SPECC1L: variants seen among roughly 807,000 people sequenced by gnomAD.
SPECC1L encodes sperm antigen with calponin homology and coiled-coil domains 1 like, also known as cytospin-A.
Under a neutral mutation model 116.8 loss-of-function variants are expected in SPECC1L, and 40 were observed. The observed-to-expected ratio is 0.34, with a 90% CI of 0.27 to 0.45. The LOEUF (loss-of-function observed/expected upper bound fraction) is 0.45. Among genes scored for constraint, SPECC1L ranks in the 20% least tolerant of loss-of-function variants. SPECC1L has a pLI of 1.00. For synonymous variants in SPECC1L, 504 were observed against 500.6 expected (o/e 1.01, Z -0.09); for missense variants, 1,110 against 1,373.6 (o/e 0.81, Z 3.03).
rs77822238 is a variant in SPECC1L at position 24,357,083 on chromosome 22, A to T, written c.2744-6178A>T. ...GGGGGGCAAATTTGCCCACAGTTGAAAATCAGAGATACAGTTTTCACAGTT... is the reference window on the plus strand; with the variant it reads ...GGGGGGCAAATTTGCCCACAGTTGATAATCAGAGATACAGTTTTCACAGTT... On this transcript the variant is annotated intron_variant, in intron 11 of 16. Transcript: ENST00000314328. 9.2e-3 allele frequency among the ~76,000 whole-genome samples: 1,397 copies of T among 152,232 alleles called. 10 individuals are homozygous for T. Among genetic ancestry groups the T allele is most frequent in the Non-Finnish European group, 0.015 (1,010 of 68,010 alleles).
intron 11 of SPECC1L, among the ~76,000 whole-genome samples, chr22:24,353,313 T>C (rs1362837002): frequency 6.6e-6 from 1 of 152,348 alleles, no homozygotes; most frequent in Non-Finnish European, 1.5e-5. Context: ...ACTCTTCCCC[T>C]GTCTCACATG....
chr22:24,318,566 G>C (rs1471263508), intron 4 of SPECC1L, among the ~76,000 whole-genome samples: 1 of 152,082 alleles, frequency 6.6e-6, no homozygotes, highest in Non-Finnish European at 1.5e-5. Flanking sequence ...AAGGATTTTT[G>C]ATTTAGATAA....
intron 1 of SPECC1L, among the ~76,000 whole-genome samples, chr22:24,271,574 GA>G (rs1267407449): frequency 6.6e-6 from 1 of 152,252 alleles, no homozygotes; most frequent in Non-Finnish European, 1.5e-5. Flanking sequence ...CCTGTCTGAG[GA>G]AATTTTGCGT....
Position 24,349,004 on chromosome 22 carries a change from GCTT to G in SPECC1L, c.2743+1836_2743+1838del, listed in dbSNP as rs60143159. Reference sequence around the variant, plus strand: ...TCTTGTGCCTTCTCTCTGTCAGGCTGCTTCTTCTTCCTCTCCTGTGTGGCTTTT... The same window carrying G: ...TCTTGTGCCTTCTCTCTGTCAGGCTGCTTCTTCCTCTCCTGTGTGGCTTTT... On this transcript the variant is annotated intron_variant, in intron 11 of 16. Coordinates refer to ENST00000314328, the MANE Select transcript of SPECC1L (RefSeq NM_015330.6). Among the ~76,000 whole-genome samples, 1,328 of 151,968 alleles carry G rather than the reference GCTT, an allele frequency of 8.7e-3. 17 individuals carry two copies. Among genetic ancestry groups the G allele is most frequent in the African/African-American group, 0.031 (1,281 of 41,472 alleles).
At chr22:24,321,266 A>G (rs753681634) in intron 4 of SPECC1L, 22 bp from the exon 5 acceptor site, 3 of 1,612,256 alleles carry the variant, frequency 1.9e-6, no homozygotes, top group Non-Finnish European at 2.5e-6. Flanking sequence ...TTTGCCTTAC[A>G]TTTTTTGTAT....
intron 14 of SPECC1L, among the ~76,000 whole-genome samples, chr22:24,378,102 T>A (rs1333429699): frequency 6.6e-6 from 1 of 152,252 alleles, no homozygotes; most frequent in Admixed American, 6.5e-5. Context: ...GTGGCCACCT[T>A]CATCAGTGAT....
At chr22:24,304,732 A>G (rs1449036330) in intron 3 of SPECC1L, among the ~76,000 whole-genome samples, 1 of 152,238 alleles carries the variant, frequency 6.6e-6, no homozygotes, top group African/African-American at 2.4e-5. Flanking sequence ...TATAATTGAT[A>G]TTTCTCCATG....
At chr22:24,289,910 A>T (rs1397945044) in intron 2 of SPECC1L, among the ~76,000 whole-genome samples, 1 of 152,182 alleles carries the variant, frequency 6.6e-6, no homozygotes, top group East Asian at 1.9e-4. Context: ...TAGTTAAACG[A>T]CAATGGCAAC....
intron 14 of SPECC1L, among the ~76,000 whole-genome samples, chr22:24,374,712 C>T (rs962884702): frequency 6.6e-6 from 1 of 151,164 alleles, no homozygotes; most frequent in African/African-American, 2.4e-5. Flanking sequence ...CAACATGGCA[C>T]ATGTATACAT....
chr22:24,323,470 A>G (rs897942426), intron 5 of SPECC1L, among the ~76,000 whole-genome samples: 1 of 152,230 alleles, frequency 6.6e-6, no homozygotes, highest in Admixed American at 6.5e-5. Flanking sequence ...CTTGTTGTAC[A>G]TGCCTCCAGC....
chr22:24,363,222 A>G (rs2041679719), intron 11 of SPECC1L, 39 bp from the exon 12 acceptor site: 1 of 1,549,748 alleles, frequency 6.5e-7, no homozygotes, highest in Non-Finnish European at 8.9e-7. Context: ...AAAGTTCAGC[A>G]TCAGATTTCT....
intron 14 of SPECC1L, among the ~76,000 whole-genome samples, chr22:24,374,516 G>T (rs977749388): frequency 5.3e-5 from 8 of 149,866 alleles, no homozygotes; most frequent in Non-Finnish European, 4.4e-5. Flanking sequence ...GCAAACTATC[G>T]CAAGGACAAA....
intron 14 of SPECC1L, among the ~76,000 whole-genome samples, chr22:24,393,026 C>A (rs2042301446): frequency 6.6e-6 from 1 of 152,166 alleles, no homozygotes; most frequent in African/African-American, 2.4e-5. Flanking sequence ...CATAAGCCAC[C>A]CCACCTTTGA....
At chr22:24,309,374 C>G (rs1000765665) in intron 3 of SPECC1L, among the ~76,000 whole-genome samples, 2 of 152,142 alleles carry the variant, frequency 1.3e-5, no homozygotes, top group Non-Finnish European at 2.9e-5. Flanking sequence ...ATTATCTGTA[C>G]AACTGTGAAA....
At chr22:24,320,372 A>G (rs1023645539) in intron 4 of SPECC1L, among the ~76,000 whole-genome samples, 2 of 152,230 alleles carry the variant, frequency 1.3e-5, no homozygotes, top group Non-Finnish European at 2.9e-5. Flanking sequence ...AAATTTTAGT[A>G]GTTAAGTAAT....
intron 10 of SPECC1L, among the ~76,000 whole-genome samples, chr22:24,344,149 A>G (rs1212008765): frequency 1.3e-5 from 2 of 152,178 alleles, no homozygotes; most frequent in Non-Finnish European, 2.9e-5. Flanking sequence ...AGACAAAGAC[A>G]TTGCAAAAAA....
intron 14 of SPECC1L, among the ~76,000 whole-genome samples, chr22:24,397,220 G>A (rs775688473): frequency 3.3e-5 from 5 of 152,208 alleles, no homozygotes; most frequent in South Asian, 2.1e-4. Flanking sequence ...CGAATACACC[G>A]ACAGAGTGAA....
At chr22:24,397,021 G>C (rs1023347196) in intron 14 of SPECC1L, among the ~76,000 whole-genome samples, 3 of 152,100 alleles carry the variant, frequency 2.0e-5, no homozygotes, top group Admixed American at 2.0e-4. Context: ...TGTTATATTT[G>C]GTCCAAAGTA....
intron 4 of SPECC1L, among the ~76,000 whole-genome samples, chr22:24,319,303 T>G (rs768938519): frequency 6.6e-6 from 1 of 152,150 alleles, no homozygotes; most frequent in Non-Finnish European, 1.5e-5. Flanking sequence ...CTTCTCCACA[T>G]AGTGGCAGGA....
Sources: gnomAD v4.1 joint callset for allele counts (sites outside exome capture counted in the v4.1 genomes callset) on GRCh38, gnomAD v4.1.1 for gene constraint, MANE v1.5 for transcripts, NCBI Gene and HGNC (gene_info 2026-07-23, HGNC 2026-07-21) for gene names.